The following EPHA6 variants were observed in gnomAD, a reference collection of about 807,000 sequenced individuals.
EPHA6 encodes ephrin type-A receptor 6.
In EPHA6, 50 loss-of-function variants were observed where a neutral mutation model predicts 112.0. That is an observed-to-expected ratio of 0.45 (90% confidence interval 0.36 to 0.56). The LOEUF is 0.56. EPHA6 is among the 20% of genes least tolerant of loss of function. The probability of loss-of-function intolerance (pLI) is 0.00; values close to 1 mark genes in which losing one functional copy is unlikely to be tolerated. For missense variants in EPHA6, 1,280 were observed against 1,417.4 expected, an observed-to-expected ratio of 0.90 and a Z score of 1.56; for synonymous variants, 529 against 490.7, an observed-to-expected ratio of 1.08 and a Z score of -1.03.
chr3:97,060,140 CAAAA>C (rs1190068043), intron 3 of EPHA6, among the ~76,000 whole-genome samples: 1 of 151,906 alleles, frequency 6.6e-6, no homozygotes, highest in Non-Finnish European at 1.5e-5. Context: ...AAAAACAAAA[CAAAA>C]CAAACAAAAA....
At chr3:96,950,570 G>A (rs529701711) in intron 2 of EPHA6, among the ~76,000 whole-genome samples, 2 of 152,184 alleles carry the variant, frequency 1.3e-5, no homozygotes, top group East Asian at 3.9e-4. Flanking sequence ...AAACAATTAA[G>A]CAATGGAAGT....
rs78420284 is a variant in EPHA6, at chr3:97,718,587, T to C, written c.2785-1674T>C. 4.8e-3 allele frequency among the ~76,000 whole-genome samples: 726 copies of C among 152,096 alleles called. 3 individuals carry two copies. The highest frequency in any genetic ancestry group is 9.1e-3 in the Non-Finnish European group (617 of 67,994). On this transcript the variant is annotated intron_variant, in intron 14 of 17. Transcript: ENST00000389672. The stretch of plus-strand genomic sequence containing the variant: ...TCTGAAATACAAATTTAACCATGAG[T>C]CCCTTATTTTATCTGGCTACCCTAC...
At chr3:97,329,180 T>C (rs2082643802) in intron 5 of EPHA6, among the ~76,000 whole-genome samples, 1 of 152,104 alleles carries the variant, frequency 6.6e-6, no homozygotes, top group African/African-American at 2.4e-5. Flanking sequence ...TATTCCATGG[T>C]ATATATGTGC....
chr3:97,503,034 GAA>G (rs58697292), intron 10 of EPHA6, among the ~76,000 whole-genome samples: 2,603 of 151,398 alleles, frequency 0.017, 71 homozygotes, highest in African/African-American at 0.055. Flanking sequence ...TATTACAGAT[GAA>G]AAAGGAAAAG....
intron 13 of EPHA6, among the ~76,000 whole-genome samples, chr3:97,617,545 A>G (rs1389184911): frequency 6.6e-6 from 1 of 152,108 alleles, no homozygotes; most frequent in Non-Finnish European, 1.5e-5. Flanking sequence ...TCTCACTCAC[A>G]TGCAGTAACA....
intron 2 of EPHA6, among the ~76,000 whole-genome samples, chr3:96,896,800 A>T (rs1478834586): frequency 6.6e-6 from 1 of 152,200 alleles, no homozygotes; most frequent in East Asian, 1.9e-4. Flanking sequence ...TATTGGTTAG[A>T]GGGCCTTTTA....
At chr3:97,171,717 A>G (rs146951260) in intron 3 of EPHA6, among the ~76,000 whole-genome samples, 244 of 152,176 alleles carry the variant, frequency 1.6e-3, no homozygotes, top group African/African-American at 5.2e-3. Flanking sequence ...GATTAGTTCA[A>G]TTAGAGACAT....
intron 2 of EPHA6, among the ~76,000 whole-genome samples, chr3:96,967,140 G>T (rs985169820): frequency 2.6e-5 from 4 of 151,008 alleles, no homozygotes; most frequent in African/African-American, 7.3e-5. Flanking sequence ...GTTTTGAAGA[G>T]AACTTTCCTC....
chr3:97,459,333 A>G (rs2107374628), intron 7 of EPHA6, among the ~76,000 whole-genome samples: 1 of 152,300 alleles, frequency 6.6e-6, no homozygotes, highest in South Asian at 2.1e-4. Context: ...TAGACCCACT[A>G]AATCAGAAAC....
chr3:97,058,448 C>T (rs1394014473), intron 3 of EPHA6, among the ~76,000 whole-genome samples: 3 of 152,084 alleles, frequency 2.0e-5, no homozygotes, highest in African/African-American at 7.2e-5. Context: ...CAGGCAGGCA[C>T]CACCCTCCGG....
At chr3:97,420,829 A>G (rs1447888425) in intron 6 of EPHA6, among the ~76,000 whole-genome samples, 2 of 145,148 alleles carry the variant, frequency 1.4e-5, no homozygotes, top group East Asian at 1.9e-4. Context: ...CTAAGTATAG[A>G]AAAAAAGACA....
At chr3:96,979,752 G>A (rs1195892261) in intron 2 of EPHA6, among the ~76,000 whole-genome samples, 3 of 152,186 alleles carry the variant, frequency 2.0e-5, no homozygotes, top group Admixed American at 2.0e-4. Context: ...TCTAACTGGT[G>A]TGAGATGGTA....
In EPHA6 at chr3:96,887,068, G is replaced by A. The variant is rs144344624; in HGVS notation, c.450+20179G>A. ...TGATTAGCTTATTGACTAACGTCCTGAATTCTTTTTGAGGTAAATCAGGGA... is the reference window on the plus strand; with the variant it reads ...TGATTAGCTTATTGACTAACGTCCTAAATTCTTTTTGAGGTAAATCAGGGA... On this transcript the variant is annotated intron_variant, in intron 2 of 17. Coordinates refer to ENST00000389672, the MANE Select transcript of EPHA6 (RefSeq NM_001080448.3). Among the ~76,000 whole-genome samples the A allele has an allele frequency of 2.0e-4, 31 of 152,254 alleles. 1 individual carries two copies. The East Asian group carries it at 6.0e-3, about 29-fold the overall frequency.
intron 5 of EPHA6, among the ~76,000 whole-genome samples, chr3:97,289,925 T>C (rs1344124519): frequency 6.6e-6 from 1 of 152,142 alleles, no homozygotes; most frequent in Non-Finnish European, 1.5e-5. Flanking sequence ...TTTTGTTGCT[T>C]CTTTGTATGA....
chr3:97,567,906 T>C (rs1189905039), intron 11 of EPHA6, among the ~76,000 whole-genome samples: 1 of 152,172 alleles, frequency 6.6e-6, no homozygotes, highest in Non-Finnish European at 1.5e-5. Context: ...GGGAAAGTCA[T>C]GGCAGAGCAG....
intron 4 of EPHA6, among the ~76,000 whole-genome samples, chr3:97,230,638 A>G (rs2078496395): frequency 6.6e-6 from 1 of 152,176 alleles, no homozygotes; most frequent in Non-Finnish European, 1.5e-5. Context: ...CTCCAGTAAC[A>G]AAAGAGATTA....
chr3:97,031,725 T>A (rs890834980), intron 3 of EPHA6, among the ~76,000 whole-genome samples: 1 of 152,062 alleles, frequency 6.6e-6, no homozygotes, highest in Non-Finnish European at 1.5e-5. Context: ...ATCAGAGAAA[T>A]GCAAATCAAA....
chr3:97,469,652 C>T (rs372923149), intron 7 of EPHA6, among the ~76,000 whole-genome samples: 5 of 151,538 alleles, frequency 3.3e-5, no homozygotes, highest in South Asian at 4.2e-4. Flanking sequence ...ACTTGGAAGG[C>T]GAAGGAGAGA....
chr3:97,095,639 G>C (rs1337842555), intron 3 of EPHA6, among the ~76,000 whole-genome samples: 3 of 151,884 alleles, frequency 2.0e-5, no homozygotes, highest in Non-Finnish European at 2.9e-5. Flanking sequence ...CTGCTTTTAA[G>C]TGATGTGTGG....
Sources: gnomAD v4.1 joint callset for allele counts (sites outside exome capture counted in the v4.1 genomes callset) on GRCh38, gnomAD v4.1.1 for gene constraint, MANE v1.5 for transcripts, NCBI Gene and HGNC (gene_info 2026-07-23, HGNC 2026-07-21) for gene names.